The following GARNL3 variants were observed in gnomAD, a reference collection of about 807,000 sequenced individuals.
GARNL3 encodes the protein GTPase-activating Rap/Ran-GAP domain-like protein 3.
A neutral mutation model predicts 125.0 loss-of-function variants in GARNL3; 63 were observed. The ratio of observed to expected loss-of-function variants is 0.50; its 90% confidence interval spans 0.41 to 0.62. The LOEUF (loss-of-function observed/expected upper bound fraction) is 0.62, where lower values mean the gene tolerates loss of function less well. Ranked by LOEUF, GARNL3 falls within the 20% of genes least tolerant of loss-of-function variation. GARNL3 has a pLI of 0.00. For missense variants in GARNL3, 994 were observed against 1,244.0 expected (o/e 0.80, Z 3.02); for synonymous variants, 439 against 457.5 (o/e 0.96, Z 0.52).
rs553805180 is a variant in GARNL3, at chr9:127,384,834, G to A, written c.2270-193G>A. ...TCCTGGGAGGCGCAGTGTGGCAACC[G>A]AGGGGAGGCTGTCTTGGGAACCCAG... On this transcript the variant is annotated intron_variant, in intron 23 of 27. Coordinates refer to ENST00000373387, the MANE Select transcript of GARNL3 (RefSeq NM_032293.5). This position sits in a 1 kb window ranked among gnomAD's most constrained non-coding sequence, Gnocchi z 4.0. Among the ~76,000 whole-genome samples, 13 of 152,316 alleles carry A rather than the reference G, an allele frequency of 8.5e-5. No homozygotes were observed. The highest frequency in any genetic ancestry group is 1.9e-4 in the East Asian group (1 of 5,190).
intron 2 of GARNL3, among the ~76,000 whole-genome samples, chr9:127,254,160 G>A (rs1001056587): frequency 1.8e-4 from 27 of 152,250 alleles, no homozygotes; most frequent in African/African-American, 6.0e-4. Flanking sequence ...TTAGGTGCTT[G>A]GATCCCATTC....
At chr9:127,387,116 C>A in intron 24 of GARNL3, 77 bp from the exon 25 acceptor site, 1 of 1,463,132 alleles carries the variant, frequency 6.8e-7, no homozygotes, top group Non-Finnish European at 9.4e-7. Flanking sequence ...GGAGGGTTTG[C>A]AGTGATGGCA....
At chr9:127,231,960 A>G (rs949200289) in intron 1 of GARNL3, among the ~76,000 whole-genome samples, 2 of 152,218 alleles carry the variant, frequency 1.3e-5, no homozygotes, top group African/African-American at 4.8e-5. Context: ...CAGTACTTCA[A>G]AAACCAACCC....
intron 1 of GARNL3, chr9:127,225,369 C>A (rs2062888193): frequency 2.0e-6 from 2 of 984,752 alleles, no homozygotes; most frequent in Non-Finnish European, 1.2e-6. Flanking sequence ...GAGGGCGGCG[C>A]TGCGGCGCAG....
intron 2 of GARNL3, among the ~76,000 whole-genome samples, chr9:127,246,699 TG>T (rs2063310438): frequency 6.6e-6 from 1 of 151,608 alleles, no homozygotes. Context: ...CCCAGCTACG[TG>T]GGAGGCTGAG....
At chr9:127,350,727 G>C (rs1320673792) in intron 17 of GARNL3, among the ~76,000 whole-genome samples, 3 of 151,678 alleles carry the variant, frequency 2.0e-5, no homozygotes, top group Non-Finnish European at 2.9e-5. Context: ...AGTGAGCCAA[G>C]ATCGCAGCAC....
At chr9:127,350,957 C>T (rs765272807) in intron 17 of GARNL3, among the ~76,000 whole-genome samples, 3 of 152,090 alleles carry the variant, frequency 2.0e-5, no homozygotes, top group Middle Eastern at 3.2e-3. Flanking sequence ...GTTAGTGGCA[C>T]GTCTGGGACT....
chr9:127,388,405 G>A (rs1156538844), intron 25 of GARNL3: 1 of 156,650 alleles, frequency 6.4e-6, no homozygotes, highest in Non-Finnish European at 1.4e-5. Context: ...TTTCCTTCAG[G>A]GCTGTTAACA....
At chr9:127,371,102 T>C (rs986541738) in intron 22 of GARNL3, among the ~76,000 whole-genome samples, 3 of 152,206 alleles carry the variant, frequency 2.0e-5, no homozygotes, top group Non-Finnish European at 2.9e-5. Context: ...CACAATGGAC[T>C]TCTCCCTGCC....
Position 127,281,689 on chromosome 9 carries a change from C to A in GARNL3, c.145-9479C>A, listed in dbSNP as rs191004420. 1.3e-4 allele frequency among the ~76,000 whole-genome samples: 20 copies of A among 152,342 alleles called. No homozygotes were observed. In the East Asian group the frequency reaches 3.7e-3, roughly 28 times the overall value. On this transcript the variant is annotated intron_variant, in intron 1 of 27. Transcript: ENST00000373387. ...AGGCACAGAAGTGGACTAAAAGAGA[C>A]CAGGAGACAGGCCCCAGGGCAGCAC...
chr9:127,311,174 A>G (rs1290103678), intron 2 of GARNL3, among the ~76,000 whole-genome samples: 1 of 152,136 alleles, frequency 6.6e-6, no homozygotes, highest in Non-Finnish European at 1.5e-5. Flanking sequence ...AGCAAGCCAC[A>G]AAACTGTATA....
chr9:127,242,063 C>T lies in GARNL3; in HGVS notation c.-28-1016C>T, dbSNP rs1311571943. Among the ~76,000 whole-genome samples the T allele has an allele frequency of 6.6e-6, 1 of 152,128 alleles. No individual in the cohort carries two copies. Among genetic ancestry groups the T allele is most frequent in the African/African-American group, 2.4e-5 (1 of 41,418 alleles). On this transcript the variant is annotated intron_variant, in intron 1 of 10. Transcript: ENST00000439286. This position sits in a 1 kb window ranked among gnomAD's most constrained non-coding sequence, Gnocchi z 4.6. ...TGCCTATCTGATTCCAAAGCCCCAA[C>T]TTGTGTGGAGTCGCTTTTCTTGGTC...
chr9:127,296,464 CTTTTT>C (rs777082855), intron 2 of GARNL3, among the ~76,000 whole-genome samples: 1 of 87,106 alleles, frequency 1.1e-5, no homozygotes, highest in Non-Finnish European at 2.2e-5. Context: ...GTAGGCATGA[CTTTTT>C]TTTTTTTTTT....
At position 127,385,246 on chromosome 9, in the gene GARNL3, T is replaced by C. The variant is rs756660400; in HGVS notation, c.2388+101T>C. 40 of 611,894 alleles carry C rather than the reference T, an allele frequency of 6.5e-5. No homozygotes were observed. The highest frequency in any genetic ancestry group is 1.1e-4 in the Non-Finnish European group (39 of 352,326). 37.9% of individuals were successfully genotyped at this position (611,894 alleles called of 1,614,324 possible). A position where few individuals can be genotyped will look rare whatever the true frequency, so the allele number is the denominator to read the frequency against. On this transcript the variant is annotated intron_variant, in intron 24 of 27. Coordinates refer to ENST00000373387, the MANE Select transcript of GARNL3 (RefSeq NM_032293.5). The surrounding 1 kb of genome is among the most constrained non-coding windows in gnomAD (Gnocchi z 4.1). Reference sequence around the variant, plus strand: ...GCCGCCTCTTGTCAAGTTAGGCTGATGAAGACCGGTGTCAGAATGCCAGCA... The same window carrying C: ...GCCGCCTCTTGTCAAGTTAGGCTGACGAAGACCGGTGTCAGAATGCCAGCA...
At chr9:127,345,526 A>G (rs369128908) in intron 16 of GARNL3, 49 bp downstream of exon 16, 491 of 1,180,786 alleles carry the variant, frequency 4.2e-4, no homozygotes, top group Non-Finnish European at 5.8e-4. Flanking sequence ...CCTTTTCCTT[A>G]ATGAAAATGA....
intron 7 of GARNL3, among the ~76,000 whole-genome samples, chr9:127,327,479 C>T (rs1190706036): frequency 1.3e-5 from 2 of 152,198 alleles, no homozygotes; most frequent in Non-Finnish European, 2.9e-5. Flanking sequence ...TGAAAGGATG[C>T]ACCCCAAATT....
chr9:127,389,503 CA>C (rs1372909826), intron 26 of GARNL3, among the ~76,000 whole-genome samples: 5 of 152,286 alleles, frequency 3.3e-5, no homozygotes, highest in Non-Finnish European at 5.9e-5. Context: ...TGGTATGTCC[CA>C]AAGTGGAAAT....
chr9:127,368,863 A>T (rs1831447105), intron 22 of GARNL3, among the ~76,000 whole-genome samples: 1 of 152,046 alleles, frequency 6.6e-6, no homozygotes, highest in Non-Finnish European at 1.5e-5. Context: ...TGAGCCCAGA[A>T]GGTGGAGGTT....
chr9:127,245,205 G>C (rs955154527), intron 2 of GARNL3: 1 of 152,358 alleles, frequency 6.6e-6, no homozygotes, highest in Non-Finnish European at 1.5e-5. Flanking sequence ...GGCCCGCAGT[G>C]CACCGCGCGG....
Sources: allele counts gnomAD v4.1 joint callset (sites outside exome capture counted in the v4.1 genomes callset), GRCh38; gene constraint gnomAD v4.1.1; non-coding constraint Gnocchi (gnomAD v3.1); transcripts MANE v1.5; gene names NCBI Gene and HGNC (gene_info 2026-07-23, HGNC 2026-07-21).